The following ATXN2 variants were observed in gnomAD, a reference collection of about 807,000 sequenced individuals.
ATXN2 encodes ataxin 2, also known as ataxin-2.
A neutral mutation model predicts 138.6 loss-of-function variants in ATXN2; 37 were observed. The observed-to-expected ratio is 0.27, with a 90% CI of 0.21 to 0.35. The LOEUF (loss-of-function observed/expected upper bound fraction) is 0.35, where lower values mean the gene tolerates loss of function less well. Ranked by LOEUF, ATXN2 falls within the 10% of genes least tolerant of loss-of-function variation. The pLI, the probability that ATXN2 is intolerant of heterozygous loss-of-function variation, is 1.00. For synonymous variants in ATXN2, 549 were observed against 543.7 expected (o/e 1.01, Z -0.13); for missense variants, 1,216 against 1,480.3 (o/e 0.82, Z 2.93).
intron 6 of ATXN2, among the ~76,000 whole-genome samples, chr12:111,523,897 T>C (rs1880332504): frequency 6.6e-6 from 1 of 151,646 alleles, no homozygotes; most frequent in South Asian, 2.1e-4. Flanking sequence ...ACCCTGTCTC[T>C]GCAGAAAAAG....
chr12:111,470,421 T>C (rs906796617), intron 19 of ATXN2, 137 bp downstream of exon 19: 1 of 1,171,620 alleles, frequency 8.5e-7, no homozygotes, highest in South Asian at 1.6e-5. Flanking sequence ...GAATATATAT[T>C]GAAAAGGGTC....
chr12:111,520,109 T>A (rs762269142), intron 7 of ATXN2, 33 bp from the exon 8 acceptor site: 37 of 1,601,866 alleles, frequency 2.3e-5, no homozygotes, highest in Non-Finnish European at 3.1e-5. Flanking sequence ...GCAAAATGAG[T>A]CCTTTAAAGC....
intron 21 of ATXN2, among the ~76,000 whole-genome samples, chr12:111,458,910 A>G (rs1875344733): frequency 6.6e-6 from 1 of 151,962 alleles, no homozygotes; most frequent in Admixed American, 6.6e-5. Context: ...AGGGCCACCA[A>G]CTCTCCAGCC....
chr12:111,591,307 C>T (rs1050835362), intron 1 of ATXN2, among the ~76,000 whole-genome samples: 3 of 152,102 alleles, frequency 2.0e-5, no homozygotes, highest in Non-Finnish European at 4.4e-5. Flanking sequence ...ACAGCATGAT[C>T]TTGTGTATAT....
At chr12:111,500,892 G>T (rs1018440102) in intron 14 of ATXN2, among the ~76,000 whole-genome samples, 1 of 151,964 alleles carries the variant, frequency 6.6e-6, no homozygotes, top group African/African-American at 2.4e-5. Flanking sequence ...AATAAAATAA[G>T]TTTAAAATTT....
At chr12:111,528,967 A>ATTTGTT (rs772030079) in intron 5 of ATXN2, among the ~76,000 whole-genome samples, 2 of 152,116 alleles carry the variant, frequency 1.3e-5, no homozygotes, top group South Asian at 2.1e-4. Context: ...TTTAAAAAAA[A>ATTTGTT]TTTGTTTTTG....
intron 20 of ATXN2, chr12:111,469,426 G>C (rs893072453): frequency 3.3e-5 from 5 of 151,926 alleles, no homozygotes; most frequent in Non-Finnish European, 5.9e-5. Context: ...ACTTTAGACA[G>C]CTGCTAAGTT....
Position 111,485,326 on chromosome 12 carries a change from T to G in ATXN2, c.2463A>C (p.Leu821Phe). 6.2e-7 allele frequency: 1 copy of G among 1,611,686 alleles called. No individual in the cohort carries two copies. Among genetic ancestry groups the G allele is most frequent in the Non-Finnish European group, 8.5e-7 (1 of 1,178,590 alleles). Residue 821 changes from leucine to phenylalanine, a missense_variant, in exon 18 of 25, where the codon TTA (leucine) becomes TTC (phenylalanine). By Grantham distance (22) the Leu-to-Phe change is conservative (BLOSUM62 0). Around this residue, in one of 4 missense-constraint regions of ATXN2, gnomAD observed 490 missense variants for 653.5 expected, o/e 0.75. Transcript: ENST00000673436. ...PVPVSPGVQP[L>F]YPIPMTPMPV... The stretch of plus-strand genomic sequence containing the variant: ...GCATGGGCGTCATAGGTATTGGGTA[T>G]AAAGGCTTGAGAGAATTAAAAAAAA...
At chr12:111,555,299 C>T (rs1479761407) in intron 2 of ATXN2, among the ~76,000 whole-genome samples, 1 of 152,134 alleles carries the variant, frequency 6.6e-6, no homozygotes, top group African/African-American at 2.4e-5. Flanking sequence ...CTTGTTATTA[C>T]ACGTGACAAA....
chr12:111,569,238 C>T (rs1428831950), intron 1 of ATXN2, among the ~76,000 whole-genome samples: 1 of 152,046 alleles, frequency 6.6e-6, no homozygotes, highest in Non-Finnish European at 1.5e-5. Context: ...TCAATTTCAA[C>T]ATCTATGAAA....
At chr12:111,582,214 C>T (rs985776782) in intron 1 of ATXN2, among the ~76,000 whole-genome samples, 8 of 152,172 alleles carry the variant, frequency 5.3e-5, no homozygotes, top group Non-Finnish European at 5.9e-5. Context: ...GAGGCGAAGG[C>T]GGGCAGATCA....
chr12:111,561,888 T>G (rs552014706), intron 1 of ATXN2, among the ~76,000 whole-genome samples: 1 of 151,672 alleles, frequency 6.6e-6, no homozygotes, highest in East Asian at 2.0e-4. Flanking sequence ...CTTGACTCAC[T>G]GCAACCTCCA....
At chr12:111,459,647 C>G (rs1257112848) in intron 21 of ATXN2, among the ~76,000 whole-genome samples, 1 of 152,116 alleles carries the variant, frequency 6.6e-6, no homozygotes, top group Non-Finnish European at 1.5e-5. Context: ...ACCATGTTGG[C>G]CAGGCTGGTC....
At chr12:111,460,185 G>C (rs1213515641) in intron 21 of ATXN2, among the ~76,000 whole-genome samples, 2 of 152,094 alleles carry the variant, frequency 1.3e-5, no homozygotes, top group African/African-American at 2.4e-5. Context: ...GGGTTCAAGC[G>C]ATTCTCCTGT....
chr12:111,580,577 G>C (rs1883937630), intron 1 of ATXN2, among the ~76,000 whole-genome samples: 1 of 146,336 alleles, frequency 6.8e-6, no homozygotes, highest in Non-Finnish European at 1.5e-5. Flanking sequence ...TAAGGAGGCA[G>C]AATCATCTGG....
intron 14 of ATXN2, among the ~76,000 whole-genome samples, chr12:111,499,294 C>G (rs1262183779): frequency 6.6e-6 from 1 of 152,184 alleles, no homozygotes; most frequent in Non-Finnish European, 1.5e-5. Context: ...TTGCAAACTA[C>G]TCATCTGACA....
At chr12:111,508,441 C>CTTTTTTT (rs66643315) in intron 14 of ATXN2, among the ~76,000 whole-genome samples, 15 of 85,646 alleles carry the variant, frequency 1.8e-4, no homozygotes, top group South Asian at 4.6e-4. Context: ...AATTGAAAAA[C>CTTTTTTT]TTTTTTTTTT....
chr12:111,520,523 C>T (rs542168681), intron 7 of ATXN2, among the ~76,000 whole-genome samples: 3 of 152,150 alleles, frequency 2.0e-5, no homozygotes, highest in East Asian at 1.9e-4. Flanking sequence ...TGGTAGCACG[C>T]GCCTATAGTC....
At chr12:111,592,945 CAG>C (rs1884751808) in intron 1 of ATXN2, among the ~76,000 whole-genome samples, 1 of 151,194 alleles carries the variant, frequency 6.6e-6, no homozygotes, top group African/African-American at 2.4e-5. Context: ...CTAGTCAAAA[CAG>C]AAAATTGTAA....
Sources: gnomAD v4.1 joint callset for allele counts (sites outside exome capture counted in the v4.1 genomes callset) on GRCh38, gnomAD v4.1.1 for gene constraint, gnomAD v4.1.1 regional missense constraint, MANE v1.5 for transcripts, NCBI Gene and HGNC (gene_info 2026-07-23, HGNC 2026-07-21) for gene names.